Variants in BCL11A observed in about 807,000 individuals in gnomAD.
BCL11A encodes the protein BCL11 transcription factor A, also known as B cell CLL/lymphoma 11A.
In BCL11A, 2 loss-of-function variants were observed where a neutral mutation model predicts 55.9. That is an observed-to-expected ratio of 0.04 (90% CI 0.01 to 0.11). The LOEUF (loss-of-function observed/expected upper bound fraction) is 0.11, where lower values mean the gene tolerates loss of function less well. Among genes scored for constraint, BCL11A ranks in the 10% least tolerant of loss-of-function variants. The pLI is 1.00. For missense variants in BCL11A, 817 were observed against 1,137.1 expected (o/e 0.72, Z 4.05); for synonymous variants, 465 against 473.4 (o/e 0.98, Z 0.23).
Position 60,461,175 on chromosome 2 carries a change from C to T in BCL11A, c.1737G>A (p.Glu579=), listed in dbSNP as rs1190624853. The T allele has an allele frequency of 6.2e-7, 1 of 1,612,506 alleles. No homozygotes were observed. Among genetic ancestry groups the T allele is most frequent in the Admixed American group, 1.7e-5 (1 of 59,976 alleles). ...CTTCGTCGCAAGTGTCCCTGTGGCC[C>T]TCGGCCTCGGCCAGGTGGCCGCGCT... ...KHKRGHLAEA[E]GHRDTCDEDS... is the part of the protein sequence containing the mutation. The change falls in exon 4 of 4, where the codon GAG becomes GAA. Residue 579 remains glutamate (E), a synonymous_variant. Coordinates refer to ENST00000642384, the MANE Select transcript of BCL11A (RefSeq NM_022893.4).
intron 1 of BCL11A, among the ~76,000 whole-genome samples, chr2:60,549,140 G>A (rs914699580): frequency 1.3e-5 from 2 of 152,286 alleles, no homozygotes; most frequent in Non-Finnish European, 1.5e-5. Flanking sequence ...ACGAGGGGAG[G>A]AAGAAATAGA....
intron 2 of BCL11A, among the ~76,000 whole-genome samples, chr2:60,488,909 G>A (rs567611339): frequency 3.9e-5 from 6 of 152,268 alleles, no homozygotes; most frequent in Non-Finnish European, 7.4e-5. Flanking sequence ...ATAGGCATGC[G>A]CCACCACACG....
At chr2:60,454,708 G>T (rs936979068), downstream of BCL11A, among the ~76,000 whole-genome samples, 1 of 152,140 alleles carries the variant, frequency 6.6e-6, no homozygotes, top group Non-Finnish European at 1.5e-5. Flanking sequence ...TCCTTTTCAG[G>T]AAGGCCCGAA....
At position 60,460,829 on chromosome 2, in the gene BCL11A, C is replaced by G; in HGVS notation, c.2083G>C (p.Gly695Arg). The change falls in exon 4 of 4, where the codon GGG (glycine) becomes CGG (arginine). Residue 695 changes from glycine to arginine, a missense_variant. Gly to Arg is a moderately radical substitution (Grantham distance 125). This residue lies in a region of BCL11A where 379 missense variants were observed against 425.3 expected (regional missense o/e 0.89). Coordinates refer to ENST00000642384, the MANE Select transcript of BCL11A (RefSeq NM_022893.4). The stretch of plus-strand genomic sequence containing the variant: ...GGCGGTGTGGAGAAGCGCAAACTCC[C>G]GTTCTCCGAGGAGTGCTCCGACGAG... ...ASSSEHSSEN[G>R]SLRFSTPPGE... 6.2e-7 allele frequency: 1 copy of G among 1,612,550 alleles called. No homozygotes were observed.
chr2:60,467,611 A>G (rs1018444985), intron 3 of BCL11A, among the ~76,000 whole-genome samples: 407 of 16,754 alleles, frequency 0.024, no homozygotes, highest in Middle Eastern at 0.071. Flanking sequence ...TGGTGGTGGT[A>G]GTGATGGTGG....
rs1435551376 is a variant in BCL11A, at chr2:60,457,773, T to C, written c.*2631A>G. The C allele has an allele frequency of 9.7e-7, 1 of 1,030,980 alleles. No individual in the cohort carries two copies. Among genetic ancestry groups the C allele is most frequent in the Non-Finnish European group, 1.2e-6 (1 of 858,326 alleles). The allele number at this position is 1,030,980 out of a possible 1,614,324, so 63.9% of individuals were successfully genotyped here. A position where few individuals can be genotyped will look rare whatever the true frequency, so the allele number is the denominator to read the frequency against. On this transcript the variant is annotated 3_prime_UTR_variant, in exon 4 of 4. Transcript: ENST00000642384. ...AGAAGGAAAGGGACAAAAAGCACAC[T>C]ACATAACAAACCAACGTTATTAGCT... is the stretch of plus-strand genomic sequence containing the variant.
chr2:60,505,084 T>G (rs1469436080), intron 2 of BCL11A, among the ~76,000 whole-genome samples: 1 of 152,066 alleles, frequency 6.6e-6, no homozygotes, highest in African/African-American at 2.4e-5. Context: ...TTCTCCTGCC[T>G]CTTCACAGGG....
In BCL11A at chr2:60,468,793, A is replaced by C; in HGVS notation, c.426T>G (p.Ser142=). 1 of 1,608,490 alleles carries C rather than the reference A, an allele frequency of 6.2e-7. No homozygotes were observed. Residue 142 remains serine (S), a synonymous_variant, in exon 3 of 4, where the codon TCT becomes TCG. Transcript: ENST00000642384. ...LHWRGLSSPR[S]AHGALIPTPG... ...GCGTGGGGATTAGAGCTCCATGTGC[A>C]GAACGAGGGGAGGAGAGGCCCCTCC...
At chr2:60,502,346 A>G (rs756697114) in intron 2 of BCL11A, among the ~76,000 whole-genome samples, 9 of 152,208 alleles carry the variant, frequency 5.9e-5, no homozygotes, top group Non-Finnish European at 1.3e-4. Context: ...GCTCTCCTCT[A>G]CATTCTGTGA....
intron 2 of BCL11A, among the ~76,000 whole-genome samples, chr2:60,532,102 C>A (rs997406553): frequency 2.0e-5 from 3 of 152,168 alleles, no homozygotes; most frequent in Admixed American, 2.0e-4. Context: ...CCAACACACC[C>A]ACCGCACAAT....
At chr2:60,534,729 C>G (rs1215464422) in intron 2 of BCL11A, 3 of 152,218 alleles carry the variant, frequency 2.0e-5, no homozygotes, top group African/African-American at 7.2e-5. Context: ...CAAGAAGATG[C>G]ATCATTTTGC....
At chr2:60,464,074 C>T (rs947246147) in intron 3 of BCL11A, among the ~76,000 whole-genome samples, 1 of 152,206 alleles carries the variant, frequency 6.6e-6, no homozygotes, top group Non-Finnish European at 1.5e-5. Flanking sequence ...GCCAGCCTCG[C>T]TCAAGCACTT....
chr2:60,497,479 G>A (rs529825322), intron 2 of BCL11A, among the ~76,000 whole-genome samples: 19 of 152,218 alleles, frequency 1.2e-4, no homozygotes, highest in South Asian at 8.3e-4. Context: ...TTAAACTGCC[G>A]CTCCTGAATT....
intron 2 of BCL11A, among the ~76,000 whole-genome samples, chr2:60,514,179 A>T (rs1351936051): frequency 6.6e-6 from 1 of 152,152 alleles, no homozygotes; most frequent in Non-Finnish European, 1.5e-5. Context: ...AGAGGCTTCC[A>T]GGCTGGGCTA....
downstream of BCL11A, among the ~76,000 whole-genome samples, chr2:60,455,297 A>C (rs1252330249): frequency 6.6e-6 from 1 of 152,212 alleles, no homozygotes. Context: ...CTCATTTAAA[A>C]AAAAAAGATC....
Position 60,461,320 on chromosome 2 carries a change from C to A in BCL11A, c.1592G>T (p.Gly531Val), listed in dbSNP as rs763123036. The part of the protein sequence containing the change: ...AARHHENSSR[G>V]AVVGVGDESR... ...CTCGTCGCCCACGCCCACGACCGCG[C>A]CCCGCGAGCTGTTCTCGTGGTGGCG... Residue 531 changes from glycine (G) to valine (V), a missense_variant, in exon 4 of 4, where the codon GGC becomes GTC. Gly to Val is a moderately radical substitution (Grantham distance 109). Around this residue, in one of 4 missense-constraint regions of BCL11A, gnomAD observed 379 missense variants for 425.3 expected, o/e 0.89. Coordinates refer to ENST00000642384, the MANE Select transcript of BCL11A (RefSeq NM_022893.4). 2 of 1,599,716 alleles carry A rather than the reference C, an allele frequency of 1.3e-6. No homozygotes were observed. Among genetic ancestry groups the A allele is most frequent in the Non-Finnish European group, 1.7e-6 (2 of 1,177,904 alleles).
intron 1 of BCL11A, among the ~76,000 whole-genome samples, chr2:60,552,833 T>C (rs1333618217): frequency 1.3e-5 from 2 of 151,416 alleles, no homozygotes; most frequent in Non-Finnish European, 2.9e-5. Flanking sequence ...CACCCCCAGG[T>C]TTGCATGTGA....
chr2:60,505,169 G>A (rs755515222), intron 2 of BCL11A, among the ~76,000 whole-genome samples: 7 of 152,240 alleles, frequency 4.6e-5, no homozygotes, highest in African/African-American at 9.6e-5. Flanking sequence ...GATTTTATCC[G>A]TATCCTCATT....
intron 2 of BCL11A, chr2:60,541,914 G>T: frequency 1.4e-6 from 1 of 709,760 alleles, no homozygotes; most frequent in South Asian, 1.5e-5. Flanking sequence ...ACATCCTCCA[G>T]TTCAGTCTGA....
Sources: allele counts gnomAD v4.1 joint callset (sites outside exome capture counted in the v4.1 genomes callset), GRCh38; gene constraint gnomAD v4.1.1; regional missense constraint gnomAD v4.1.1; transcripts MANE v1.5; gene names NCBI Gene and HGNC (gene_info 2026-07-23, HGNC 2026-07-21).